GPR155: variants seen among roughly 807,000 people sequenced by gnomAD.
The protein encoded by GPR155 is lysosomal cholesterol signaling protein.
A neutral mutation model predicts 93.1 loss-of-function variants in GPR155; 65 were observed. The ratio of observed to expected loss-of-function variants is 0.70; its 90% CI spans 0.57 to 0.86. The LOEUF (loss-of-function observed/expected upper bound fraction) is 0.86. Among genes scored for constraint, GPR155 ranks in the 40% least tolerant of loss-of-function variants. The pLI is 0.00. For synonymous variants in GPR155, 319 were observed against 360.1 expected, an observed-to-expected ratio of 0.89 and a Z score of 1.29; for missense variants, 838 against 1,034.8, an observed-to-expected ratio of 0.81 and a Z score of 2.61.
In GPR155 at chr2:174,434,667, G is replaced by A. The variant is rs1686723129; in HGVS notation, c.*1449C>T. On this transcript the variant is annotated 3_prime_UTR_variant, in exon 16 of 16. Transcript: ENST00000392552. Reference sequence around the variant, plus strand: ...GTCACCCAGGTTGAAGTGCAGTGATGTGATCTTGGTTCACTGCAACCTGCG... The same window carrying A: ...GTCACCCAGGTTGAAGTGCAGTGATATGATCTTGGTTCACTGCAACCTGCG... The A allele has an allele frequency of 6.6e-6, 1 of 152,048 alleles. No individual in the cohort carries two copies. Among genetic ancestry groups the A allele is most frequent in the Non-Finnish European group, 1.5e-5 (1 of 68,036 alleles). The allele number at this position is 152,048 out of a possible 1,614,324, so 9.4% of individuals were successfully genotyped here.
At position 174,481,991 on chromosome 2, in the gene GPR155, G is replaced by A; in HGVS notation, c.-31-4C>T. On this transcript the variant is annotated splice_region_variant and splice_polypyrimidine_tract_variant and intron_variant, in intron 1 of 15. Transcript: ENST00000392552. ...CCCTCCAACTCCAACCAGATCTCTG[G>A]AAAGAAAGGAAGAAAGATTCAGTAT... 1 of 1,411,280 alleles carries A rather than the reference G, an allele frequency of 7.1e-7. No homozygotes were observed. The highest frequency in any genetic ancestry group is 9.8e-7 in the Non-Finnish European group (1 of 1,016,496). 87.4% of individuals were successfully genotyped at this position (1,411,280 alleles called of 1,614,324 possible).
chr2:174,473,619 G>C (rs1453260797), intron 2 of GPR155, among the ~76,000 whole-genome samples: 2 of 151,954 alleles, frequency 1.3e-5, no homozygotes, highest in Non-Finnish European at 2.9e-5. Context: ...ACCATCTAAG[G>C]GTTAAAATTA....
At chr2:174,442,838 A>G (rs1041998693) in intron 13 of GPR155, among the ~76,000 whole-genome samples, 8 of 152,220 alleles carry the variant, frequency 5.3e-5, no homozygotes, top group African/African-American at 1.7e-4. Flanking sequence ...CCCCCATACT[A>G]TAAACAGCCA....
In GPR155 at chr2:174,446,597, G is replaced by GA; in HGVS notation, c.2013+13dup. The GA allele has an allele frequency of 6.3e-7, 1 of 1,591,058 alleles. No homozygotes were observed. The highest frequency in any genetic ancestry group is 1.2e-5 in the South Asian group (1 of 86,946). Reference sequence around the variant, plus strand: ...AAGAAATGGCCCCAAAACAAAACCAGAAAAAACCATTACAGCGAACAGGCC... The same window carrying GA: ...AAGAAATGGCCCCAAAACAAAACCAGAAAAAAACCATTACAGCGAACAGGCC... On this transcript the variant is annotated intron_variant, in intron 12 of 15. Transcript: ENST00000392552.
Position 174,473,127 on chromosome 2 carries a change from A to C in GPR155, c.698T>G (p.Leu233Arg). The change falls in exon 3 of 16, where the codon CTT (leucine) becomes CGT (arginine). Residue 233 changes from leucine to arginine, a missense_variant. By Grantham distance (102) the Leu-to-Arg change is moderately radical. Transcript: ENST00000392552. ...VFIGIAFNFI[L>R]DRKVPVYVEN... ...GACATATACAGGTACCTTTCGATCA[A>C]GAATAAAATTGAAGGCGATGCCAAT... 1 of 1,610,746 alleles carries C rather than the reference A, an allele frequency of 6.2e-7. No individual in the cohort carries two copies. Among genetic ancestry groups the C allele is most frequent in the Non-Finnish European group, 8.5e-7 (1 of 1,179,320 alleles).
chr2:174,476,316 C>A (rs1688164391), intron 2 of GPR155, among the ~76,000 whole-genome samples: 1 of 152,140 alleles, frequency 6.6e-6, no homozygotes. Context: ...GCTACAAAAC[C>A]TTTCTTTTAC....
chr2:174,481,504 G>T lies in GPR155; in HGVS notation c.453C>A (p.Tyr151Ter). 1.9e-6 allele frequency: 3 copies of T among 1,579,668 alleles called. No homozygotes were observed. Among genetic ancestry groups the T allele is most frequent in the Non-Finnish European group, 1.7e-6 (2 of 1,155,060 alleles). Reference protein sequence around the residue: ...ATQSNDFALGYPIVEALYQTT... With the variant: ...ATQSNDFALG ...AAATAAAAATTAACTTACCTATAGG[G>T]TATCCCAATGCAAAGTCATTACTTT... is the stretch of plus-strand genomic sequence containing the variant. The change falls in exon 2 of 16, where the codon TAC becomes TAA. Residue 151 changes from tyrosine to a stop codon, truncating the protein, a stop_gained. Coordinates refer to ENST00000392552, the MANE Select transcript of GPR155 (RefSeq NM_152529.7). LOFTEE classifies it high-confidence loss of function.
chr2:174,470,976 T>G (rs1352679700), intron 3 of GPR155, among the ~76,000 whole-genome samples: 1 of 152,012 alleles, frequency 6.6e-6, no homozygotes, highest in African/African-American at 2.4e-5. Context: ...CTCTTTTTCT[T>G]TCTTTCAAAG....
chr2:174,478,727 T>C (rs1378815008), intron 2 of GPR155, among the ~76,000 whole-genome samples: 1 of 152,016 alleles, frequency 6.6e-6, no homozygotes, highest in Non-Finnish European at 1.5e-5. Flanking sequence ...ACAAATGCAG[T>C]CTTAAAAAGG....
rs1188837842 is a variant in GPR155 at position 174,468,942 on chromosome 2, A to G, written c.1152T>C (p.Phe384=). ...AGATCAGGCTGACAATACTTATATC[A>G]AAACTAACATTCTGGATGGCATATG... The part of the protein sequence containing the change: ...PLAYAIQNVS[F]DISIVSLISL... Residue 384 remains phenylalanine, a synonymous_variant, in exon 5 of 16, where the codon TTT becomes TTC. Transcript: ENST00000392552. 35 of 1,613,938 alleles carry G rather than the reference A, an allele frequency of 2.2e-5. No homozygotes were observed. The highest frequency in any genetic ancestry group is 2.8e-5 in the Non-Finnish European group (33 of 1,179,936).
At chr2:174,470,987 T>C (rs964175374) in intron 3 of GPR155, among the ~76,000 whole-genome samples, 8 of 149,330 alleles carry the variant, frequency 5.4e-5, no homozygotes, top group Non-Finnish European at 7.4e-5. Flanking sequence ...TCTTTCAAAG[T>C]ATTCTAGAGA....
intron 9 of GPR155, 66 bp from the exon 10 acceptor site, chr2:174,460,154 ATT>A (rs11385015): frequency 0.11 from 43,087 of 383,802 alleles, 5 homozygotes; most frequent in Middle Eastern, 0.15. Context: ...CTTAGGGCAC[ATT>A]TTTTTTTTTT....
intron 7 of GPR155, among the ~76,000 whole-genome samples, chr2:174,462,893 G>A (rs1030007675): frequency 6.6e-6 from 1 of 152,062 alleles, no homozygotes; most frequent in African/African-American, 2.4e-5. Context: ...AAGTTGAAAG[G>A]GACCTCTATT....
At chr2:174,467,495 G>T (rs1269310653) in intron 5 of GPR155, among the ~76,000 whole-genome samples, 1 of 152,136 alleles carries the variant, frequency 6.6e-6, no homozygotes, top group Non-Finnish European at 1.5e-5. Flanking sequence ...CAACAAAAAA[G>T]AACTAATCCC....
intron 13 of GPR155, among the ~76,000 whole-genome samples, chr2:174,443,384 G>GT (rs1233850420): frequency 6.6e-6 from 1 of 152,138 alleles, no homozygotes; most frequent in East Asian, 1.9e-4. Flanking sequence ...AATGTGTGGG[G>GT]TTTTTTGTTT....
Position 174,436,064 on chromosome 2 carries a change from A to C in GPR155, c.*52T>G. The C allele has an allele frequency of 6.7e-7, 1 of 1,487,124 alleles. No homozygotes were observed. The highest frequency in any genetic ancestry group is 1.4e-5 in the African/African-American group (1 of 72,262). 92.1% of individuals were successfully genotyped at this position (1,487,124 alleles called of 1,614,324 possible). A position where few individuals can be genotyped will look rare whatever the true frequency, so the allele number is the denominator to read the frequency against. Reference sequence around the variant, plus strand: ...GCCCAAGGTCACCCAGCTAAAAACTAATGAATACGCGGCTAGAATATGATT... The same window carrying C: ...GCCCAAGGTCACCCAGCTAAAAACTCATGAATACGCGGCTAGAATATGATT... On this transcript the variant is annotated 3_prime_UTR_variant, in exon 16 of 16. Transcript: ENST00000392552.
At position 174,432,487 on chromosome 2, in the gene GPR155, C is replaced by T. The variant is rs955173136; in HGVS notation, c.*3629G>A. ...AGTATGACTTGTTCACAAACAAATT[C>T]TCCACTTGAGTTTCAGTTGTCTGCA... On this transcript the variant is annotated 3_prime_UTR_variant, in exon 16 of 16. Transcript: ENST00000392552. 4 of 152,224 alleles carry T rather than the reference C, an allele frequency of 2.6e-5. No homozygotes were observed. Among genetic ancestry groups the T allele is most frequent in the Admixed American group, 6.5e-5 (1 of 15,276 alleles). 9.4% of individuals were successfully genotyped at this position (152,224 alleles called of 1,614,324 possible).
At chr2:174,439,344 A>T (rs1256557756) in intron 15 of GPR155, among the ~76,000 whole-genome samples, 6 of 152,200 alleles carry the variant, frequency 3.9e-5, no homozygotes, top group Non-Finnish European at 7.4e-5. Context: ...TTATAAAAAA[A>T]TTTTTTTCCT....
At chr2:174,484,461 T>G (rs536868546) in intron 1 of GPR155, among the ~76,000 whole-genome samples, 58 of 152,366 alleles carry the variant, frequency 3.8e-4, no homozygotes, top group African/African-American at 1.4e-3. Flanking sequence ...TATAAGCCCT[T>G]ACTTGTACAA....
Sources: allele counts gnomAD v4.1 joint callset (sites outside exome capture counted in the v4.1 genomes callset), GRCh38; gene constraint gnomAD v4.1.1; transcripts MANE v1.5; gene names NCBI Gene and HGNC (gene_info 2026-07-23, HGNC 2026-07-21).